Variants in PRIM2 observed in about 807,000 individuals in gnomAD.
PRIM2 encodes DNA primase subunit 2, also known as DNA primase large subunit.
Under a neutral mutation model 67.3 loss-of-function variants are expected in PRIM2, and 39 were observed. That is an observed-to-expected ratio of 0.58 (90% CI 0.45 to 0.76). PRIM2 has a LOEUF of 0.76. PRIM2 is among the 30% of genes least tolerant of loss of function. PRIM2 has a pLI of 0.00. For missense variants in PRIM2, 398 were observed against 598.7 expected (o/e 0.66, Z 3.50); for synonymous variants, 143 against 198.7 (o/e 0.72, Z 2.36).
upstream of PRIM2, among the ~76,000 whole-genome samples, chr6:57,313,143 T>C (rs900157126): frequency 6.6e-6 from 1 of 152,230 alleles, no homozygotes; most frequent in African/African-American, 2.4e-5. Context: ...AAGATAGACA[T>C]GACTAAATCC....
intron 5 of PRIM2, among the ~76,000 whole-genome samples, chr6:57,332,522 T>C (rs1289956777): frequency 6.6e-6 from 1 of 152,194 alleles, no homozygotes; most frequent in African/African-American, 2.4e-5. Flanking sequence ...TGTCAATTTT[T>C]GCTTCATTTA....
chr6:57,522,540 G>A lies in PRIM2; in HGVS notation c.762-9871G>A, dbSNP rs1774647147. Reference sequence around the variant, plus strand: ...TTATTTATTTATTTTTTTAAGAGATGGGGTCTTGCTCTTTTGCCCAGGCTC... The same window carrying A: ...TTATTTATTTATTTTTTTAAGAGATAGGGTCTTGCTCTTTTGCCCAGGCTC... On this transcript the variant is annotated intron_variant, in intron 8 of 13. Transcript: ENST00000615550. Among the ~76,000 whole-genome samples the A allele has an allele frequency of 2.6e-5, 4 of 152,040 alleles. No individual in the cohort carries two copies. The South Asian group carries it at 8.3e-4, about 32-fold the overall frequency.
intron 2 of PRIM2, among the ~76,000 whole-genome samples, chr6:57,320,140 G>A (rs928539461): frequency 6.6e-6 from 1 of 152,156 alleles, no homozygotes; most frequent in Non-Finnish European, 1.5e-5. Flanking sequence ...ATGCAAACAA[G>A]GAGTGCCTAG....
chr6:57,524,602 G>C (rs1397115137), intron 8 of PRIM2, among the ~76,000 whole-genome samples: 21 of 152,080 alleles, frequency 1.4e-4, no homozygotes, highest in African/African-American at 5.1e-4. Context: ...TCGGGAGGCT[G>C]AGGCAGGAGA....
At chr6:57,341,497 G>A (rs1181562066) in intron 5 of PRIM2, among the ~76,000 whole-genome samples, 1 of 152,050 alleles carries the variant, frequency 6.6e-6, no homozygotes, top group Non-Finnish European at 1.5e-5. Flanking sequence ...ACTCTCCCAT[G>A]GCATCTGATA....
chr6:57,500,416 A>T (rs2127457290), intron 7 of PRIM2, among the ~76,000 whole-genome samples: 1 of 152,354 alleles, frequency 6.6e-6, no homozygotes, highest in South Asian at 2.1e-4. Context: ...ACCAGTGTCA[A>T]CATATTGTCA....
intron 7 of PRIM2, among the ~76,000 whole-genome samples, chr6:57,455,091 C>A (rs1468300670): frequency 2.8e-5 from 4 of 142,688 alleles, no homozygotes; most frequent in African/African-American, 5.2e-5. Context: ...TGTAGTTGAG[C>A]GGTTTTGAGT....
chr6:57,363,194 C>T lies in PRIM2; in HGVS notation c.460-16707C>T, dbSNP rs142879740. Among the ~76,000 whole-genome samples, 315 of 152,202 alleles carry T rather than the reference C, an allele frequency of 2.1e-3. 1 individual carries two copies. The highest frequency in any genetic ancestry group is 7.3e-3 in the African/African-American group (304 of 41,550). On this transcript the variant is annotated intron_variant, in intron 5 of 13. Coordinates refer to ENST00000615550, the MANE Select transcript of PRIM2 (RefSeq NM_000947.5). Reference sequence around the variant, plus strand: ...ATCTCAGTAGTTAGTATTTCCCAAACTGGGCAAAGTATGGGTGAGAGTGTG... The same window carrying T: ...ATCTCAGTAGTTAGTATTTCCCAAATTGGGCAAAGTATGGGTGAGAGTGTG...
At chr6:57,529,021 C>T (rs1177283595) in intron 8 of PRIM2, among the ~76,000 whole-genome samples, 5 of 152,124 alleles carry the variant, frequency 3.3e-5, no homozygotes, top group African/African-American at 1.2e-4. Flanking sequence ...ATTTAAAGAA[C>T]AAAAACCAGC....
At chr6:57,240,459 T>G in the PRIM2 span, among the ~76,000 whole-genome samples, 2 of 152,214 alleles carry the variant, frequency 1.3e-5, no homozygotes, top group Non-Finnish European at 2.9e-5. Context: ...ACGAGCAGCT[T>G]GCATTCAGGG....
chr6:57,549,413 G>A (rs1421100089), intron 10 of PRIM2, among the ~76,000 whole-genome samples: 1 of 152,012 alleles, frequency 6.6e-6, no homozygotes, highest in Non-Finnish European at 1.5e-5. Flanking sequence ...CCCAGTACTC[G>A]CAGAAGGAAG....
the PRIM2 span, among the ~76,000 whole-genome samples, chr6:57,254,172 C>A: frequency 6.6e-6 from 1 of 152,182 alleles, no homozygotes; most frequent in Non-Finnish European, 1.5e-5. Flanking sequence ...ATTCATGCTG[C>A]TGGCCTGGCA....
chr6:57,383,330 A>G (rs1770024001), intron 7 of PRIM2: 2 of 152,034 alleles, frequency 1.3e-5, no homozygotes, highest in Non-Finnish European at 1.5e-5. Flanking sequence ...GAAATAGACA[A>G]ATATTTTCCA....
chr6:57,246,355 C>T, the PRIM2 span, among the ~76,000 whole-genome samples: 2 of 152,200 alleles, frequency 1.3e-5, no homozygotes, highest in African/African-American at 2.4e-5. Flanking sequence ...ACTATTCTAC[C>T]TACGCTAGTA....
the PRIM2 span, among the ~76,000 whole-genome samples, chr6:57,286,916 A>AAAAC: frequency 2.0e-4 from 31 of 152,262 alleles, no homozygotes; most frequent in East Asian, 6.0e-3. Flanking sequence ...TTACAAGAGA[A>AAAAC]AAACAACCCC....
chr6:57,337,025 C>G (rs1206140794), intron 5 of PRIM2, among the ~76,000 whole-genome samples: 1 of 151,932 alleles, frequency 6.6e-6, no homozygotes, highest in Non-Finnish European at 1.5e-5. Flanking sequence ...ATCTACCAAG[C>G]AAATGGAAAA....
At chr6:57,480,303 A>G (rs1208585265) in intron 7 of PRIM2, among the ~76,000 whole-genome samples, 1 of 152,156 alleles carries the variant, frequency 6.6e-6, no homozygotes, top group African/African-American at 2.4e-5. Flanking sequence ...ATCTTGAAAC[A>G]GTTTTACATA....
chr6:57,329,559 A>G (rs554814834), intron 5 of PRIM2, among the ~76,000 whole-genome samples: 3 of 151,976 alleles, frequency 2.0e-5, no homozygotes, highest in Admixed American at 6.5e-5. Flanking sequence ...CATGGGGGCA[A>G]TCTCCCCCAT....
At chr6:57,254,656 T>G in the PRIM2 span, among the ~76,000 whole-genome samples, 5 of 152,152 alleles carry the variant, frequency 3.3e-5, no homozygotes, top group Non-Finnish European at 7.3e-5. Flanking sequence ...GAGGCCTGTT[T>G]AGGATTAAAC....
Sources: gnomAD v4.1 joint callset for allele counts (sites outside exome capture counted in the v4.1 genomes callset) on GRCh38, gnomAD v4.1.1 for gene constraint, MANE v1.5 for transcripts, NCBI Gene and HGNC (gene_info 2026-07-23, HGNC 2026-07-21) for gene names.